The following FKBP15 variants were observed in gnomAD, a reference collection of about 807,000 sequenced individuals.
FKBP15 encodes FKBP prolyl isomerase family member 15, also known as FK506-binding protein 15.
In FKBP15, 106 loss-of-function variants were observed where a neutral mutation model predicts 158.1. That is an observed-to-expected ratio of 0.67 (90% CI 0.57 to 0.79). FKBP15 has a LOEUF of 0.79. Among genes scored for constraint, FKBP15 ranks in the 30% least tolerant of loss-of-function variants. The pLI is 0.00. For missense variants in FKBP15, 1,287 were observed against 1,479.1 expected (o/e 0.87, Z 2.13); for synonymous variants, 547 against 548.6 (o/e 1.00, Z 0.04).
chr9:113,203,411 A>G (rs1337233355), intron 4 of FKBP15, among the ~76,000 whole-genome samples: 1 of 152,166 alleles, frequency 6.6e-6, no homozygotes, highest in African/African-American at 2.4e-5. Context: ...CATCAACCAG[A>G]TTTAAAAAAT....
chr9:113,172,459 C>T (rs1416749053), intron 23 of FKBP15, among the ~76,000 whole-genome samples: 1 of 152,092 alleles, frequency 6.6e-6, no homozygotes, highest in Admixed American at 6.5e-5. Flanking sequence ...ATTTACACTC[C>T]CACCAACAGT....
chr9:113,189,658 AT>A (rs1330692166), intron 12 of FKBP15, among the ~76,000 whole-genome samples: 1 of 152,174 alleles, frequency 6.6e-6, no homozygotes, highest in African/African-American at 2.4e-5. Flanking sequence ...TATAAAGTAT[AT>A]TCCAGAAAAA....
chr9:113,172,841 C>T (rs1321392617), intron 23 of FKBP15, among the ~76,000 whole-genome samples: 1 of 152,220 alleles, frequency 6.6e-6, no homozygotes, highest in East Asian at 1.9e-4. Context: ...AAACTGACCT[C>T]GAATATGGAC....
intron 11 of FKBP15, 59 bp downstream of exon 11, chr9:113,193,433 G>C: frequency 7.0e-7 from 1 of 1,421,776 alleles, no homozygotes; most frequent in Non-Finnish European, 9.7e-7. Flanking sequence ...CCTCAGCTTC[G>C]CAAAGTGTTA....
chr9:113,191,639 A>C (rs1225236965), intron 11 of FKBP15, among the ~76,000 whole-genome samples: 2 of 148,208 alleles, frequency 1.3e-5, no homozygotes, highest in Non-Finnish European at 3.0e-5. Flanking sequence ...CATTATATAT[A>C]TATATAATAT....
At position 113,176,688 on chromosome 9, in the gene FKBP15, C is replaced by T; in HGVS notation, c.2087-15G>A. On this transcript the variant is annotated splice_polypyrimidine_tract_variant and intron_variant, in intron 20 of 27. Coordinates refer to ENST00000238256, the MANE Select transcript of FKBP15 (RefSeq NM_015258.2). ...TTCTTGGAGCTCTGGGATACAGGAGCAGAGAGACTTCGCTACAGAACCAAA... is the reference window on the plus strand; with the variant it reads ...TTCTTGGAGCTCTGGGATACAGGAGTAGAGAGACTTCGCTACAGAACCAAA... The T allele has an allele frequency of 1.2e-6, 2 of 1,607,658 alleles. No homozygotes were observed. The highest frequency in any genetic ancestry group is 2.7e-5 in the African/African-American group (2 of 74,940).
Position 113,162,143 on chromosome 9 carries a change from G to C in FKBP15, c.*3935C>G, listed in dbSNP as rs1367062259. 1 of 331,060 alleles carries C rather than the reference G, an allele frequency of 3.0e-6. No homozygotes were observed. The highest frequency in any genetic ancestry group is 5.7e-6 in the Non-Finnish European group (1 of 174,026). 20.5% of individuals were successfully genotyped at this position (331,060 alleles called of 1,614,324 possible). On this transcript the variant is annotated 3_prime_UTR_variant, in exon 28 of 28. Transcript: ENST00000238256. ...CCCACTCGAATCAGGCAACCATTTA[G>C]GGTCCCTGTTCTGCCCTCTGTCCAG...
rs1252464354 is a variant in FKBP15 at position 113,178,624 on chromosome 9, A to C, written c.2086+6T>G. ...ACAATCCCAGCATCCCCCACCTAGC[A>C]CATACCTGAGAGCTTTGCCTGCACT... On this transcript the variant is annotated splice_donor_region_variant and intron_variant, in intron 20 of 27. Transcript: ENST00000238256. 2 of 1,606,042 alleles carry C rather than the reference A, an allele frequency of 1.2e-6. No individual in the cohort carries two copies. Among genetic ancestry groups the C allele is most frequent in the Admixed American group, 3.4e-5 (2 of 59,348 alleles).
In FKBP15 at chr9:113,186,373, T is replaced by G; in HGVS notation, c.1384-10A>C. On this transcript the variant is annotated splice_polypyrimidine_tract_variant and intron_variant, in intron 14 of 27. Coordinates refer to ENST00000238256, the MANE Select transcript of FKBP15 (RefSeq NM_015258.2). The stretch of plus-strand genomic sequence containing the variant: ...GCATACCTGCATAGGGCTGAGAAAC[T>G]GACGAGTTACCACTGGTTGATAAAA... 1 of 1,521,994 alleles carries G rather than the reference T, an allele frequency of 6.6e-7. No homozygotes were observed. Among genetic ancestry groups the G allele is most frequent in the South Asian group, 1.2e-5 (1 of 83,534 alleles). 94.3% of individuals were successfully genotyped at this position (1,521,994 alleles called of 1,614,324 possible). A position where few individuals can be genotyped will look rare whatever the true frequency, so the allele number is the denominator to read the frequency against.
At chr9:113,214,473 C>T (rs1292971419) in intron 1 of FKBP15, among the ~76,000 whole-genome samples, 5 of 152,128 alleles carry the variant, frequency 3.3e-5, no homozygotes, top group African/African-American at 1.2e-4. Context: ...AACAGTGGGT[C>T]TCAACAGTGC....
intron 1 of FKBP15, among the ~76,000 whole-genome samples, chr9:113,218,409 A>G (rs974831747): frequency 8.0e-6 from 1 of 125,424 alleles, no homozygotes; most frequent in Non-Finnish European, 1.7e-5. Flanking sequence ...ATATATATAT[A>G]TATACATTTC....
chr9:113,174,405 A>G (rs1830266758), intron 22 of FKBP15, 23 bp downstream of exon 22: 1 of 1,609,674 alleles, frequency 6.2e-7, no homozygotes, highest in Admixed American at 1.7e-5. Context: ...CTCTATTTTC[A>G]AAGTGCTTCA....
chr9:113,181,569 G>T (rs1830396538), intron 19 of FKBP15, among the ~76,000 whole-genome samples: 1 of 152,166 alleles, frequency 6.6e-6, no homozygotes, highest in South Asian at 2.1e-4. Flanking sequence ...AATCTCTGGA[G>T]GTTCGGGATT....
intron 1 of FKBP15, among the ~76,000 whole-genome samples, chr9:113,215,134 T>C (rs1360476062): frequency 6.6e-6 from 1 of 152,210 alleles, no homozygotes; most frequent in Non-Finnish European, 1.5e-5. Context: ...ACTTTTAATT[T>C]CCTTTAAGAA....
intron 1 of FKBP15, among the ~76,000 whole-genome samples, chr9:113,219,268 T>C (rs1831203285): frequency 6.6e-6 from 1 of 152,186 alleles, no homozygotes; most frequent in Non-Finnish European, 1.5e-5. Flanking sequence ...TGAATATCCT[T>C]CATGAAATCA....
intron 27 of FKBP15, among the ~76,000 whole-genome samples, chr9:113,168,049 A>AT (rs1169090405): frequency 1.3e-5 from 2 of 152,136 alleles, no homozygotes; most frequent in African/African-American, 4.8e-5. Context: ...GTAAATCATC[A>AT]TTTTGAGCCT....
At chr9:113,189,847 C>T (rs906269753) in intron 12 of FKBP15, among the ~76,000 whole-genome samples, 8 of 151,980 alleles carry the variant, frequency 5.3e-5, no homozygotes, top group Non-Finnish European at 1.2e-4. Context: ...CACCAAATTC[C>T]AAATGGATTA....
intron 2 of FKBP15, among the ~76,000 whole-genome samples, chr9:113,210,984 T>C (rs541947453): frequency 2.1e-4 from 32 of 152,322 alleles, no homozygotes; most frequent in Admixed American, 1.0e-3. Context: ...TTTTGAGGTT[T>C]TGAGACTCGG....
intron 1 of FKBP15, among the ~76,000 whole-genome samples, chr9:113,216,598 C>G (rs900851128): frequency 3.9e-5 from 6 of 152,166 alleles, no homozygotes; most frequent in African/African-American, 1.4e-4. Context: ...GAATAAGATT[C>G]TGGAAGAGTT....
Sources: gnomAD v4.1 joint callset for allele counts (sites outside exome capture counted in the v4.1 genomes callset) on GRCh38, gnomAD v4.1.1 for gene constraint, MANE v1.5 for transcripts, NCBI Gene and HGNC (gene_info 2026-07-23, HGNC 2026-07-21) for gene names.